The following DLG2 variants were observed in gnomAD, a reference collection of about 807,000 sequenced individuals.
DLG2 encodes discs large MAGUK scaffold protein 2.
In DLG2, 45 loss-of-function variants were observed where a neutral mutation model predicts 132.5. The ratio of observed to expected loss-of-function variants is 0.34; its 90% CI spans 0.27 to 0.44. DLG2 has a LOEUF of 0.44. Among genes scored for constraint, DLG2 ranks in the 20% least tolerant of loss-of-function variants. The pLI, the probability that DLG2 is intolerant of heterozygous loss-of-function variation, is 1.00. For missense variants in DLG2, 1,045 were observed against 1,196.9 expected (o/e 0.87, Z 1.87); for synonymous variants, 424 against 419.6 (o/e 1.01, Z -0.13).
chr11:85,308,521 G>A (rs1038535754), intron 3 of DLG2, among the ~76,000 whole-genome samples: 28 of 152,146 alleles, frequency 1.8e-4, no homozygotes, highest in African/African-American at 6.8e-4. Flanking sequence ...CTCCCTAAGA[G>A]CAAAGCTCCT....
chr11:84,370,905 T>C (rs1460701227), intron 7 of DLG2, among the ~76,000 whole-genome samples: 1 of 152,070 alleles, frequency 6.6e-6, no homozygotes, highest in East Asian at 1.9e-4. Flanking sequence ...TGTGGGCAGG[T>C]GGTGGGAGGA....
chr11:84,323,720 C>CTTTTTTTTTTTTTTTTTTT (rs35283044), intron 7 of DLG2, among the ~76,000 whole-genome samples: 2 of 123,788 alleles, frequency 1.6e-5, no homozygotes, highest in African/African-American at 3.0e-5. Context: ...TTCTTTTTTC[C>CTTTTTTTTTTTTTTTTTTT]TTTTTTTTTT....
Position 83,965,334 on chromosome 11 carries a change from A to G in DLG2, c.1191T>C (p.Asp397=), listed in dbSNP as rs1414167054. ...GACAATGGTACTTACAGTGAGTAAT[A>G]TCAGGTGGACCATAAGGATCAGTCA... The part of the protein sequence containing the change: ...IYMTDPYGPP[D]ITHSYSPPME... Residue 397 remains aspartate (D), a synonymous_variant, in exon 13 of 28, where the codon GAT becomes GAC. Transcript: ENST00000376104. 6.2e-7 allele frequency: 1 copy of G among 1,609,168 alleles called. No homozygotes were observed.
At chr11:84,844,595 T>C (rs573342639) in intron 6 of DLG2, among the ~76,000 whole-genome samples, 1 of 152,038 alleles carries the variant, frequency 6.6e-6, no homozygotes, top group African/African-American at 2.4e-5. Flanking sequence ...TCTTTCTTGC[T>C]CTATTTTTAT....
At chr11:83,670,494 T>C (rs950074115) in intron 18 of DLG2, among the ~76,000 whole-genome samples, 4 of 152,130 alleles carry the variant, frequency 2.6e-5, no homozygotes, top group Admixed American at 6.5e-5. Context: ...TCAGGAATTT[T>C]ATCTCTACCA....
intron 15 of DLG2, among the ~76,000 whole-genome samples, chr11:83,918,200 G>A (rs2077240244): frequency 6.6e-6 from 1 of 152,150 alleles, no homozygotes; most frequent in African/African-American, 2.4e-5. Flanking sequence ...GATACATTAG[G>A]GGGCCTTTTA....
chr11:85,444,539 C>T (rs2091922521), intron 3 of DLG2, among the ~76,000 whole-genome samples: 1 of 152,192 alleles, frequency 6.6e-6, no homozygotes. Context: ...CTACCAAGAT[C>T]CTTTGGAGCT....
intron 15 of DLG2, among the ~76,000 whole-genome samples, chr11:83,905,516 T>A (rs771540434): frequency 1.1e-4 from 17 of 152,194 alleles, no homozygotes; most frequent in Non-Finnish European, 2.5e-4. Context: ...GTCTTCCATC[T>A]TACAGAGACC....
At chr11:83,790,446 CTT>C in intron 17 of DLG2, 1 of 1,149,394 alleles carries the variant, frequency 8.7e-7, no homozygotes, top group Non-Finnish European at 1.3e-6. Context: ...TTTGCAAGAT[CTT>C]TTTAGCTCCT....
intron 6 of DLG2, among the ~76,000 whole-genome samples, chr11:84,565,261 T>C (rs1451163423): frequency 6.6e-6 from 1 of 152,202 alleles, no homozygotes; most frequent in Non-Finnish European, 1.5e-5. Flanking sequence ...AAAATGTCTC[T>C]ATTAGCTGGA....
intron 6 of DLG2, among the ~76,000 whole-genome samples, chr11:84,595,313 A>G (rs1200844447): frequency 6.6e-6 from 1 of 151,908 alleles, no homozygotes; most frequent in African/African-American, 2.4e-5. Context: ...GGGTTTTGCT[A>G]TGTTGCCCAG....
At chr11:85,585,557 A>AG (rs1222015031) in intron 3 of DLG2, among the ~76,000 whole-genome samples, 1 of 152,134 alleles carries the variant, frequency 6.6e-6, no homozygotes, top group East Asian at 1.9e-4. Flanking sequence ...GATTTGTCAT[A>AG]CACAGTTTTT....
At position 85,496,716 on chromosome 11, in the gene DLG2, T is replaced by C. The variant is rs11826281; in HGVS notation, c.40+101941A>G. 9.2e-3 allele frequency among the ~76,000 whole-genome samples: 1,395 copies of C among 152,074 alleles called. 18 individuals are homozygous for C. Among genetic ancestry groups the C allele is most frequent in the African/African-American group, 0.03 (1,246 of 41,478 alleles). On this transcript the variant is annotated intron_variant, in intron 3 of 27. Coordinates refer to ENST00000376104, the MANE Select transcript of DLG2 (RefSeq NM_001142699.3). ...CGCTCGTGCCCCTCTCAGATGAAGC[T>C]CTCAGAGGAAGGATCAGGCAGCAAT...
At chr11:85,621,420 T>C (rs1344023639) in intron 2 of DLG2, among the ~76,000 whole-genome samples, 1 of 152,232 alleles carries the variant, frequency 6.6e-6, no homozygotes, top group Non-Finnish European at 1.5e-5. Context: ...TGTAAGACTA[T>C]ATCTGCCACA....
intron 7 of DLG2, among the ~76,000 whole-genome samples, chr11:84,305,256 T>C (rs555972828): frequency 3.3e-5 from 5 of 152,268 alleles, no homozygotes; most frequent in South Asian, 2.1e-4. Context: ...TGTAATGAGA[T>C]AGTGAAATGC....
chr11:85,265,043 T>C (rs914956694), intron 4 of DLG2, among the ~76,000 whole-genome samples: 1 of 152,232 alleles, frequency 6.6e-6, no homozygotes, highest in Non-Finnish European at 1.5e-5. Flanking sequence ...AAATGTCATG[T>C]ATTTGCAAAT....
Position 84,678,721 on chromosome 11 carries a change from C to T in DLG2, c.358-143990G>A, listed in dbSNP as rs138430557. ...CTCATTTGTAAATATATATTTATAC[C>T]CTGATTAAATATATTGTATGTGTGG... is the stretch of plus-strand genomic sequence containing the variant. On this transcript the variant is annotated intron_variant, in intron 6 of 27. Coordinates refer to ENST00000376104, the MANE Select transcript of DLG2 (RefSeq NM_001142699.3). Among the ~76,000 whole-genome samples the T allele has an allele frequency of 2.0e-5, 3 of 151,984 alleles. No individual in the cohort carries two copies. The East Asian group carries it at 5.8e-4, about 29-fold the overall frequency.
chr11:83,824,557 T>G (rs2051914987), intron 17 of DLG2, among the ~76,000 whole-genome samples: 1 of 152,196 alleles, frequency 6.6e-6, no homozygotes, highest in Admixed American at 6.5e-5. Flanking sequence ...TTTCAAAAAA[T>G]ATGTTTCACT....
At chr11:84,476,180 T>C (rs1298739310) in intron 7 of DLG2, among the ~76,000 whole-genome samples, 1 of 152,132 alleles carries the variant, frequency 6.6e-6, no homozygotes, top group Non-Finnish European at 1.5e-5. Flanking sequence ...CAAAATCACA[T>C]AACTAATAAA....
Sources: allele counts gnomAD v4.1 joint callset (sites outside exome capture counted in the v4.1 genomes callset), GRCh38; gene constraint gnomAD v4.1.1; transcripts MANE v1.5; gene names NCBI Gene and HGNC (gene_info 2026-07-23, HGNC 2026-07-21).